The following ASIC2 variants were observed in gnomAD, a reference collection of about 807,000 sequenced individuals.
ASIC2 encodes the protein acid sensing ion channel subunit 2.
Under a neutral mutation model 57.3 loss-of-function variants are expected in ASIC2, and 25 were observed. That is an observed-to-expected ratio of 0.44 (90% CI 0.32 to 0.61). The LOEUF (loss-of-function observed/expected upper bound fraction) is 0.61. ASIC2 is among the 20% of genes least tolerant of loss of function. ASIC2 has a pLI of 0.06. For missense variants in ASIC2, 641 were observed against 738.1 expected (o/e 0.87, Z 1.52); for synonymous variants, 319 against 307.5 (o/e 1.04, Z -0.39).
At chr17:33,067,546 G>A (rs897179767) in intron 3 of ASIC2, among the ~76,000 whole-genome samples, 1 of 152,128 alleles carries the variant, frequency 6.6e-6, no homozygotes, top group African/African-American at 2.4e-5. Flanking sequence ...GTATGAAACT[G>A]GATCACAGGA....
Position 33,973,520 on chromosome 17 carries a change from T to G in ASIC2, c.555+182458A>C, listed in dbSNP as rs1905281040. Among the ~76,000 whole-genome samples the G allele has an allele frequency of 2.0e-5, 3 of 152,190 alleles. No individual in the cohort carries two copies. In the South Asian group the frequency reaches 6.2e-4, roughly 32 times the overall value. Reference sequence around the variant, plus strand: ...TGCCCAGCAGGGCAGGGATGCAAATTCCAGAGTGAAGATTGGGTAGGCAGG... The same window carrying G: ...TGCCCAGCAGGGCAGGGATGCAAATGCCAGAGTGAAGATTGGGTAGGCAGG... On this transcript the variant is annotated intron_variant, in intron 1 of 9. Coordinates refer to the ASIC2 transcript ENST00000359872.
At chr17:33,651,406 A>G (rs1316731626) in intron 1 of ASIC2, among the ~76,000 whole-genome samples, 1 of 152,222 alleles carries the variant, frequency 6.6e-6, no homozygotes, top group Non-Finnish European at 1.5e-5. Flanking sequence ...GAAACCATTT[A>G]TTATGGAGCC....
rs2141916459 is a variant in ASIC2 at position 33,852,122 on chromosome 17, G to A, written c.555+303856C>T. ...AGAGAAGATGCTAGACAGCCAGCAG[G>A]CTGTGCAAGCACAGAGTGGGGCCCA... On this transcript the variant is annotated intron_variant, in intron 1 of 9. Coordinates refer to the ASIC2 transcript ENST00000359872. 2.0e-5 allele frequency among the ~76,000 whole-genome samples: 3 copies of A among 152,368 alleles called. 1 individual carries two copies. Among genetic ancestry groups the A allele is most frequent in the Admixed American group, 2.0e-4 (3 of 15,310 alleles).
At chr17:33,523,221 A>G (rs1046540104) in intron 1 of ASIC2, among the ~76,000 whole-genome samples, 8 of 152,068 alleles carry the variant, frequency 5.3e-5, no homozygotes, top group Non-Finnish European at 1.0e-4. Context: ...TTGTTTCTTG[A>G]TTTCTAAAAT....
chr17:33,411,339 G>T (rs549002406), intron 1 of ASIC2, among the ~76,000 whole-genome samples: 1 of 152,150 alleles, frequency 6.6e-6, no homozygotes, highest in Non-Finnish European at 1.5e-5. Flanking sequence ...TTAAAAAAAA[G>T]AAAAAGAGCT....
chr17:33,029,259 G>A (rs1347586563), intron 3 of ASIC2, among the ~76,000 whole-genome samples: 1 of 152,224 alleles, frequency 6.6e-6, no homozygotes, highest in Non-Finnish European at 1.5e-5. Flanking sequence ...ACCCTAGAAA[G>A]TTCGTTTCTG....
chr17:33,529,507 C>G (rs1194111180), intron 1 of ASIC2, among the ~76,000 whole-genome samples: 2 of 152,182 alleles, frequency 1.3e-5, no homozygotes, highest in African/African-American at 4.8e-5. Context: ...CTGCAAGACC[C>G]CTAGCTCATT....
intron 1 of ASIC2, among the ~76,000 whole-genome samples, chr17:33,821,397 G>A (rs1356787177): frequency 6.6e-6 from 1 of 152,146 alleles, no homozygotes; most frequent in African/African-American, 2.4e-5. Flanking sequence ...AATCTTTGTT[G>A]AGTCTATGCA....
chr17:33,788,599 G>A (rs1046330755), intron 1 of ASIC2, among the ~76,000 whole-genome samples: 1 of 152,080 alleles, frequency 6.6e-6, no homozygotes, highest in South Asian at 2.1e-4. Context: ...AAGACTCATG[G>A]ACGCATATGT....
At chr17:33,943,532 C>A (rs888090511) in intron 1 of ASIC2, among the ~76,000 whole-genome samples, 3 of 152,180 alleles carry the variant, frequency 2.0e-5, no homozygotes, top group Admixed American at 2.0e-4. Flanking sequence ...TCCCAATTTA[C>A]AGTTGAGGCT....
intron 1 of ASIC2, among the ~76,000 whole-genome samples, chr17:33,536,930 G>A (rs947526573): frequency 1.9e-4 from 29 of 152,038 alleles, no homozygotes; most frequent in African/African-American, 7.0e-4. Flanking sequence ...GGAATCACCC[G>A]AGCCTGGGGA....
intron 1 of ASIC2, among the ~76,000 whole-genome samples, chr17:33,711,713 A>G (rs1190927567): frequency 6.6e-6 from 1 of 152,096 alleles, no homozygotes; most frequent in Non-Finnish European, 1.5e-5. Flanking sequence ...CCACTTTTAA[A>G]CCATCAGATC....
chr17:33,751,990 C>G (rs1910450187), intron 1 of ASIC2, among the ~76,000 whole-genome samples: 1 of 151,992 alleles, frequency 6.6e-6, no homozygotes, highest in South Asian at 2.1e-4. Context: ...TGGTTTTACT[C>G]TTGTTAAAGA....
chr17:34,017,027 A>T (rs920226095), intron 1 of ASIC2, among the ~76,000 whole-genome samples: 1 of 152,216 alleles, frequency 6.6e-6, no homozygotes, highest in Non-Finnish European at 1.5e-5. Flanking sequence ...CATCACAGGC[A>T]TACCTTACTT....
At chr17:33,019,398 A>G (rs956046591) in intron 7 of ASIC2, among the ~76,000 whole-genome samples, 1 of 151,606 alleles carries the variant, frequency 6.6e-6, no homozygotes, top group Non-Finnish European at 1.5e-5. Flanking sequence ...GGCTGTGTGC[A>G]TGGATGTGTC....
At chr17:33,256,847 G>A (rs1288100406) in intron 1 of ASIC2, among the ~76,000 whole-genome samples, 1 of 152,114 alleles carries the variant, frequency 6.6e-6, no homozygotes, top group Admixed American at 6.6e-5. Flanking sequence ...AAAAATTACT[G>A]TAAGAGAAAA....
intron 1 of ASIC2, among the ~76,000 whole-genome samples, chr17:33,503,358 C>G (rs1261701067): frequency 6.6e-6 from 1 of 152,162 alleles, no homozygotes; most frequent in African/African-American, 2.4e-5. Context: ...TCCCACCCCC[C>G]TTGCAAGAAG....
intron 1 of ASIC2, among the ~76,000 whole-genome samples, chr17:33,619,342 AATG>A (rs1223880664): frequency 6.6e-6 from 1 of 152,210 alleles, no homozygotes; most frequent in Middle Eastern, 3.2e-3. Context: ...AGCTCCTAAA[AATG>A]ATGTACCAGA....
intron 1 of ASIC2, chr17:33,692,613 G>C (rs1389246558): frequency 6.6e-6 from 1 of 152,194 alleles, no homozygotes; most frequent in Non-Finnish European, 1.5e-5. Context: ...CCTGTATAGG[G>C]TACTTACCAT....
Sources: gnomAD v4.1 joint callset for allele counts (sites outside exome capture counted in the v4.1 genomes callset) on GRCh38, gnomAD v4.1.1 for gene constraint, MANE v1.5 for transcripts, NCBI Gene and HGNC (gene_info 2026-07-23, HGNC 2026-07-21) for gene names.